TTC17: variants seen among roughly 807,000 people sequenced by gnomAD.
TTC17 encodes tetratricopeptide repeat protein 17.
TTC17 carries 58 observed loss-of-function variants against 143.8 expected under a neutral mutation model. That is an observed-to-expected ratio of 0.40 (90% CI 0.33 to 0.50). The LOEUF (loss-of-function observed/expected upper bound fraction) is 0.50. Among genes scored for constraint, TTC17 ranks in the 20% least tolerant of loss-of-function variants. TTC17 has a pLI of 0.49. For synonymous variants in TTC17, 501 were observed against 497.8 expected, an observed-to-expected ratio of 1.01 and a Z score of -0.09; for missense variants, 1,273 against 1,392.5, an observed-to-expected ratio of 0.91 and a Z score of 1.37.
At chr11:43,403,977 A>C in intron 10 of TTC17, 21 bp from the exon 11 acceptor site, 27 of 1,569,902 alleles carry the variant, frequency 1.7e-5, no homozygotes, top group Non-Finnish European at 2.2e-5. Flanking sequence ...ATTTGATTGA[A>C]CTTTTTGTTT....
chr11:43,473,026 T>C (rs956076340), intron 21 of TTC17, among the ~76,000 whole-genome samples: 1 of 151,584 alleles, frequency 6.6e-6, no homozygotes, highest in Non-Finnish European at 1.5e-5. Flanking sequence ...AATACAAAAA[T>C]TAACCATGTG....
chr11:43,448,208 G>A (rs187517545), intron 19 of TTC17, 86 bp downstream of exon 19: 16 of 1,543,404 alleles, frequency 1.0e-5, no homozygotes, highest in Admixed American at 7.7e-5. Context: ...TTAGCAGCTA[G>A]TAGAAGAGTT....
chr11:43,487,346 G>T (rs994703320), intron 21 of TTC17, among the ~76,000 whole-genome samples: 3 of 152,024 alleles, frequency 2.0e-5, no homozygotes, highest in African/African-American at 7.3e-5. Context: ...GGTTTTCAGT[G>T]TGTTGGCCAG....
intron 21 of TTC17, among the ~76,000 whole-genome samples, chr11:43,476,523 A>G (rs192895316): frequency 8.5e-5 from 13 of 152,364 alleles, no homozygotes; most frequent in Admixed American, 2.0e-4. Context: ...TCTGAAATCT[A>G]GGTGGAGGTT....
intron 5 of TTC17, among the ~76,000 whole-genome samples, chr11:43,394,144 T>A (rs1303554736): frequency 6.6e-6 from 1 of 152,194 alleles, no homozygotes; most frequent in Non-Finnish European, 1.5e-5. Flanking sequence ...ACATAGACTT[T>A]CAGTCCGTAA....
chr11:43,469,237 G>A (rs1487829977), intron 21 of TTC17, among the ~76,000 whole-genome samples: 1 of 152,182 alleles, frequency 6.6e-6, no homozygotes, highest in African/African-American at 2.4e-5. Flanking sequence ...TGGAGAGGAT[G>A]TGGAGCAACT....
chr11:43,397,009 TA>T, intron 6 of TTC17, 191 bp downstream of exon 6: 2 of 477,736 alleles, frequency 4.2e-6, no homozygotes, highest in Non-Finnish European at 7.4e-6. Flanking sequence ...GATAATTGTG[TA>T]ATATACTTTC....
intron 1 of TTC17, among the ~76,000 whole-genome samples, chr11:43,360,760 T>C (rs1409687859): frequency 1.3e-5 from 2 of 151,894 alleles, no homozygotes; most frequent in East Asian, 3.9e-4. Flanking sequence ...TGGATACATA[T>C]GTATTAATGG....
Position 43,417,814 on chromosome 11 carries a change from G to T in TTC17, c.2251+3038G>T, listed in dbSNP as rs192488335. Among the ~76,000 whole-genome samples, 3 of 152,224 alleles carry T rather than the reference G, an allele frequency of 2.0e-5. No homozygotes were observed. In the South Asian group the frequency reaches 6.2e-4, roughly 31 times the overall value. The stretch of plus-strand genomic sequence containing the variant: ...TGCGGTGAGCTGAGATTGTGCCACC[G>T]CACGATCCAGCCTGAGTGACAGAGC... On this transcript the variant is annotated intron_variant, in intron 16 of 23. Transcript: ENST00000039989.
At chr11:43,423,688 T>C (rs1946959877) in intron 16 of TTC17, among the ~76,000 whole-genome samples, 1 of 152,240 alleles carries the variant, frequency 6.6e-6, no homozygotes, top group African/African-American at 2.4e-5. Context: ...AAAATGATAA[T>C]GATTTTCCCT....
chr11:43,374,523 A>G (rs577021525), intron 1 of TTC17, among the ~76,000 whole-genome samples: 19 of 152,324 alleles, frequency 1.2e-4, no homozygotes, highest in African/African-American at 4.1e-4. Context: ...TGCATCCAAC[A>G]AAGATCTGAT....
intron 16 of TTC17, chr11:43,436,155 G>T: frequency 1.5e-6 from 2 of 1,377,286 alleles, no homozygotes; most frequent in Non-Finnish European, 1.9e-6. Flanking sequence ...TGTGTCTCTT[G>T]TCATTGAGGT....
chr11:43,397,948 G>A (rs201210580), intron 7 of TTC17, 26 bp from the exon 8 acceptor site: 151 of 1,478,374 alleles, frequency 1.0e-4, no homozygotes, highest in East Asian at 5.1e-4. Context: ...GTGTGTGTGT[G>A]TGTATGTTTG....
chr11:43,456,179 A>AACACACAC lies in TTC17; in HGVS notation c.3030+4941_3030+4948dup, dbSNP rs57261729. Among the ~76,000 whole-genome samples the AACACACAC allele has an allele frequency of 2.1e-3, 305 of 146,310 alleles. 4 individuals carry two copies. The highest frequency in any genetic ancestry group is 0.019 in the East Asian group (94 of 5,014). ...GAATTGATACTTTTCTTAGCACAAT[A>AACACACAC]ACACACACACACACACACACACACA... On this transcript the variant is annotated intron_variant, in intron 21 of 23. Coordinates refer to ENST00000039989, the MANE Select transcript of TTC17 (RefSeq NM_018259.6).
intron 6 of TTC17, chr11:43,397,131 A>C: frequency 1.9e-6 from 1 of 518,318 alleles, no homozygotes; most frequent in Non-Finnish European, 3.3e-6. Flanking sequence ...AGCCCTAAAT[A>C]AATTGTAAAA....
intron 15 of TTC17, among the ~76,000 whole-genome samples, chr11:43,409,157 C>T (rs1412960634): frequency 6.6e-6 from 1 of 152,168 alleles, no homozygotes; most frequent in African/African-American, 2.4e-5. Flanking sequence ...CAGGTGATCT[C>T]TAAAAAACTT....
intron 21 of TTC17, among the ~76,000 whole-genome samples, chr11:43,485,921 G>A (rs536749750): frequency 2.3e-5 from 3 of 131,280 alleles, no homozygotes; most frequent in Non-Finnish European, 4.6e-5. Flanking sequence ...TGCATATCCC[G>A]TGGCCCAGAA....
chr11:43,403,551 T>C (rs1048569617), intron 10 of TTC17, among the ~76,000 whole-genome samples: 1 of 152,224 alleles, frequency 6.6e-6, no homozygotes, highest in Non-Finnish European at 1.5e-5. Flanking sequence ...CACAACAGTC[T>C]GTAATCCTTA....
Position 43,396,792 on chromosome 11 carries a change from C to T in TTC17, c.747C>T (p.Ala249=), listed in dbSNP as rs540203172. The T allele has an allele frequency of 5.0e-6, 8 of 1,609,576 alleles. No homozygotes were observed. In the East Asian group the frequency reaches 1.6e-4, roughly 31 times the overall value. ...AGCCATATCAGGTAGTAGAATGTGC[C>T]ATGCGAGCACTTCACTTCTCTTCCA... ...KNEPYQVVEC[A]MRALHFSSRH... Residue 249 remains alanine, a synonymous_variant, in exon 6 of 24, where the codon GCC becomes GCT. Transcript: ENST00000039989.
Sources: allele counts gnomAD v4.1 joint callset (sites outside exome capture counted in the v4.1 genomes callset), GRCh38; gene constraint gnomAD v4.1.1; transcripts MANE v1.5; gene names NCBI Gene and HGNC (gene_info 2026-07-23, HGNC 2026-07-21).